Variants in FASN observed in about 807,000 individuals in gnomAD.
FASN encodes fatty acid synthase.
Under a neutral mutation model 250.0 loss-of-function variants are expected in FASN, and 50 were observed. The observed-to-expected ratio is 0.20, with a 90% confidence interval of 0.16 to 0.25. The LOEUF (loss-of-function observed/expected upper bound fraction) is 0.25, where lower values mean the gene tolerates loss of function less well. Ranked by LOEUF, FASN falls within the 10% of genes least tolerant of loss-of-function variation. The probability of loss-of-function intolerance (pLI) is 1.00; values close to 1 mark genes in which losing one functional copy is unlikely to be tolerated. For missense variants in FASN, 3,031 were observed against 3,498.5 expected, an observed-to-expected ratio of 0.87 and a Z score of 3.37; for synonymous variants, 1,909 against 1,584.0, an observed-to-expected ratio of 1.21 and a Z score of -4.87.
At position 82,091,331 on chromosome 17, in the gene FASN, G is replaced by A. The variant is rs565811170; in HGVS notation, c.1383C>T (p.Pro461=). 111 of 1,609,912 alleles carry A rather than the reference G, an allele frequency of 6.9e-5. No individual in the cohort carries two copies. The highest frequency in any genetic ancestry group is 2.5e-4 in the East Asian group (11 of 44,764). ...LSMLNDIAAV[P]ATAMPFRGYA... The stretch of plus-strand genomic sequence containing the variant: ...AGCCACGGAAGGGCATGGCGGTGGC[G>A]GGGACAGCCGCGATGTCGTTCAGCA... Residue 461 remains proline, a synonymous_variant, in exon 9 of 43, where the codon CCC becomes CCT. Transcript: ENST00000306749.
At chr17:82,091,153 A>G in intron 9 of FASN, 69 bp downstream of exon 9, 2 of 1,601,576 alleles carry the variant, frequency 1.2e-6, no homozygotes, top group Non-Finnish European at 1.7e-6. Context: ...ACCTCAGGGG[A>G]CCACCAGCTC....
At position 82,085,952 on chromosome 17, in the gene FASN, C is replaced by T. The variant is rs45520131; in HGVS notation, c.3733-81G>A. On this transcript the variant is annotated intron_variant, in intron 22 of 42. Transcript: ENST00000306749. ...GGGCTGGGCAAAATGTCCATGAGGC[C>T]TCAGTCTGGCAGAAAGGCTTCCCCG... 4,396 of 1,424,982 alleles carry T rather than the reference C, an allele frequency of 3.1e-3. 127 individuals carry two copies. In the African/African-American group the frequency reaches 0.057, roughly 18 times the overall value. 88.3% of individuals were successfully genotyped at this position (1,424,982 alleles called of 1,614,324 possible). A position where few individuals can be genotyped will look rare whatever the true frequency, so the allele number is the denominator to read the frequency against.
chr17:82,086,229 G>A (rs745594804), intron 22 of FASN, 25 bp downstream of exon 22: 3 of 1,543,770 alleles, frequency 1.9e-6, no homozygotes, highest in Non-Finnish European at 2.6e-6. Context: ...CGGGGCAGAG[G>A]CCTGGCTGCC....
At position 82,083,569 on chromosome 17, in the gene FASN, G is replaced by T. The variant is rs778156553; in HGVS notation, c.5289C>A (p.His1763Gln). Residue 1763 changes from histidine to glutamine, a missense_variant, in exon 31 of 43, where the codon CAC becomes CAA. Physicochemically the swap from His to Gln is conservative, Grantham distance 24. Coordinates refer to ENST00000306749, the MANE Select transcript of FASN (RefSeq NM_004104.5). The stretch of plus-strand genomic sequence containing the variant: ...ATTTGCCAATTTCCAGGAAGCGACC[G>T]TGCGTAGCCAAGCACCTCACGCTGG... ...LQASVRCLAT[H>Q]GRFLEIGKFD... is the part of the protein sequence containing the mutation. 2.7e-5 allele frequency: 43 copies of T among 1,612,776 alleles called. No homozygotes were observed. Among genetic ancestry groups the T allele is most frequent in the Middle Eastern group, 3.3e-4 (2 of 6,062 alleles).
Position 82,083,538 on chromosome 17 carries a change from G to A in FASN, c.5320C>T (p.Leu1774Phe). ...GRFLEIGKFD[L>F]SQNHPLGMAI... is the part of the protein sequence containing the mutation. ...TCACCGAGCGGGTGGTTCTGAGAAA[G>A]GTCGAATTTGCCAATTTCCAGGAAG... Residue 1774 changes from leucine (L) to phenylalanine (F), a missense_variant, in exon 31 of 43, where the codon CTT (leucine) becomes TTT (phenylalanine). Physicochemically the swap from Leu to Phe is conservative, Grantham distance 22. Coordinates refer to ENST00000306749, the MANE Select transcript of FASN (RefSeq NM_004104.5). 2 of 1,612,862 alleles carry A rather than the reference G, an allele frequency of 1.2e-6. No individual in the cohort carries two copies. The highest frequency in any genetic ancestry group is 1.7e-6 in the Non-Finnish European group (2 of 1,180,008).
At chr17:82,087,554 C>T in intron 19 of FASN, 50 bp from the exon 20 acceptor site, 6 of 1,607,064 alleles carry the variant, frequency 3.7e-6, no homozygotes, top group Non-Finnish European at 5.1e-6. Flanking sequence ...TCCCTGGGGC[C>T]ACCTCCCAGA....
chr17:82,092,817 G>T lies in FASN; in HGVS notation c.779-5C>A. ...CCCCTGAGGGGAAGGTCACGCCTGC[G>T]GAGGGCTCGGCTCAGTGCTGCAGCC... On this transcript the variant is annotated splice_region_variant and splice_polypyrimidine_tract_variant and intron_variant, in intron 6 of 42. Transcript: ENST00000306749. 1.3e-6 allele frequency: 2 copies of T among 1,591,120 alleles called. No homozygotes were observed. The highest frequency in any genetic ancestry group is 1.7e-6 in the Non-Finnish European group (2 of 1,169,874).
rs373141943 is a variant in FASN at position 82,091,610 on chromosome 17, C to T, written c.1104G>A (p.Ala368=). 104 of 1,593,662 alleles carry T rather than the reference C, an allele frequency of 6.5e-5. 1 individual carries two copies. In the South Asian group the frequency reaches 6.7e-4, roughly 10 times the overall value. Residue 368 remains alanine (A), a synonymous_variant, in exon 9 of 43, where the codon GCG becomes GCA. Coordinates refer to ENST00000306749, the MANE Select transcript of FASN (RefSeq NM_004104.5). ...CCACCTGCAGCCGCCCATCCAACAGCGCTGGGATCTCAGGGTTGGGGCTAT... is the reference window on the plus strand; with the variant it reads ...CCACCTGCAGCCGCCCATCCAACAGTGCTGGGATCTCAGGGTTGGGGCTAT... ...HFHSPNPEIP[A]LLDGRLQVVD... is the part of the protein sequence containing the mutation.
At position 82,088,027 on chromosome 17, in the gene FASN, C is replaced by T; in HGVS notation, c.2793G>A (p.Val931=). 1.9e-6 allele frequency: 3 copies of T among 1,612,766 alleles called. No individual in the cohort carries two copies. Among genetic ancestry groups the T allele is most frequent in the Middle Eastern group, 1.6e-4 (1 of 6,062 alleles). ...CCTCCAGGAGCCGTACCTCCAGGGACACTGTCCCTGCAGAGCGGGAGAGTT... is the reference window on the plus strand; with the variant it reads ...CCTCCAGGAGCCGTACCTCCAGGGATACTGTCCCTGCAGAGCGGGAGAGTT... The part of the protein sequence containing the change: ...QATILPKTGT[V]SLEVRLLEAS... Residue 931 remains valine, a synonymous_variant, in exon 18 of 43, where the codon GTG becomes GTA. Transcript: ENST00000306749.
In FASN at chr17:82,093,789, C is replaced by G. The variant is rs1598584190; in HGVS notation, c.281-18G>C. The G allele has an allele frequency of 6.2e-7, 1 of 1,611,724 alleles. No individual in the cohort carries two copies. The highest frequency in any genetic ancestry group is 8.5e-7 in the Non-Finnish European group (1 of 1,179,754). Reference sequence around the variant, plus strand: ...GTTGATGCCTGCCACAAACAGTGGTCAAGGTGCCACGGCCGGGCCCCACAG... The same window carrying G: ...GTTGATGCCTGCCACAAACAGTGGTGAAGGTGCCACGGCCGGGCCCCACAG... On this transcript the variant is annotated intron_variant, in intron 3 of 42. Transcript: ENST00000306749.
chr17:82,089,857 G>A, intron 11 of FASN, 131 bp from the exon 12 acceptor site: 1 of 832,232 alleles, frequency 1.2e-6, no homozygotes, highest in South Asian at 1.5e-5. Flanking sequence ...GAGCCTTCAT[G>A]AGAAAGGTTC....
At position 82,087,086 on chromosome 17, in the gene FASN, G is replaced by A. The variant is rs769282070; in HGVS notation, c.3391C>T (p.Arg1131Cys). 12 of 1,611,634 alleles carry A rather than the reference G, an allele frequency of 7.4e-6. No homozygotes were observed. The highest frequency in any genetic ancestry group is 8.5e-6 in the Non-Finnish European group (10 of 1,179,918). Residue 1131 changes from arginine to cysteine, a missense_variant, in exon 21 of 43, where the codon CGC becomes TGC. Transcript: ENST00000306749. ...PHTEEGCLSE[R>C]AALQEELQLC... Reference sequence around the variant, plus strand: ...TGCAGCTCCTCCTGCAGGGCAGCGCGCTCAGACAGGCACCCCTCCTCCGTG... The same window carrying A: ...TGCAGCTCCTCCTGCAGGGCAGCGCACTCAGACAGGCACCCCTCCTCCGTG...
chr17:82,085,112 C>T lies in FASN; in HGVS notation c.4332G>A (p.Lys1444=). 1 of 1,612,654 alleles carries T rather than the reference C, an allele frequency of 6.2e-7. No homozygotes were observed. The highest frequency in any genetic ancestry group is 1.1e-5 in the South Asian group (1 of 91,090). ...DEDSSRPVWL[K]AINCATSGVV... ...CGCCCGAGGTGGCACAGTTGATGGC[C>T]TTCAGCCACACAGGCCGGGAAGAGT... The change falls in exon 25 of 43, where the codon AAG becomes AAA. Residue 1444 remains lysine (K), a synonymous_variant. Coordinates refer to ENST00000306749, the MANE Select transcript of FASN (RefSeq NM_004104.5).
In FASN at chr17:82,084,269, C is replaced by T. The variant is rs770536374; in HGVS notation, c.4884G>A (p.Leu1628=). 1 of 1,612,090 alleles carries T rather than the reference C, an allele frequency of 6.2e-7. No homozygotes were observed. The highest frequency in any genetic ancestry group is 8.5e-7 in the Non-Finnish European group (1 of 1,179,644). ...GCACATCCCAGAGGAAGTCCGGTGA[C>T]AGCAGGACAGAGGTGGCCAGGCCCT... ...PAKGLATSVL[L]SPDFLWDVPS... Residue 1628 remains leucine (L), a synonymous_variant, in exon 28 of 43, where the codon CTG becomes CTA. Transcript: ENST00000306749.
chr17:82,088,401 A>G lies in FASN; in HGVS notation c.2582T>C (p.Ile861Thr). Residue 861 changes from isoleucine (I) to threonine (T), a missense_variant, in exon 16 of 43, where the codon ATC (isoleucine) becomes ACC (threonine). Ile to Thr is a moderately conservative substitution (Grantham distance 89). Coordinates refer to ENST00000306749, the MANE Select transcript of FASN (RefSeq NM_004104.5). ...PNGSGSPSAA[I>T]YNIDTSSESP... ...GGGCCCCTGCTCACCGATGTTGTAG[A>G]TGGCGGCTGAGGGGGAACCTGAACC... The G allele has an allele frequency of 6.2e-7, 1 of 1,612,192 alleles. No individual in the cohort carries two copies. Among genetic ancestry groups the G allele is most frequent in the Non-Finnish European group, 8.5e-7 (1 of 1,179,656 alleles).
At position 82,088,805 on chromosome 17, in the gene FASN, G is replaced by A. The variant is rs1274995244; in HGVS notation, c.2376C>T (p.Asn792=). The A allele has an allele frequency of 1.9e-6, 3 of 1,612,454 alleles. No individual in the cohort carries two copies. The highest frequency in any genetic ancestry group is 2.2e-5 in the East Asian group (1 of 44,890). The change falls in exon 15 of 43, where the codon AAC becomes AAT. Residue 792 remains asparagine, a synonymous_variant. Coordinates refer to ENST00000306749, the MANE Select transcript of FASN (RefSeq NM_004104.5). ...CGATGCCGGCCAGGAAGAACTCCAG[G>A]TTGTCCCTGTGATCCTTCTTCATCA... ...IPLMKKDHRD[N]LEFFLAGIGR...
intron 12 of FASN, 52 bp from the exon 13 acceptor site, chr17:82,089,436 G>A: frequency 6.2e-7 from 1 of 1,612,366 alleles, no homozygotes; most frequent in Non-Finnish European, 8.5e-7. Flanking sequence ...CCCACCTCAG[G>A]CTCGGAGAGG....
rs2034335379 is a variant in FASN at position 82,098,150 on chromosome 17, G to C, written c.-37C>G. ...TGAGGGCGCGGGCGGCGGTGCGGGC[G>C]GCGGAGAGCGAGGCTGGAGCGCGGC... On this transcript the variant is annotated 5_prime_UTR_variant, in exon 1 of 43. Coordinates refer to ENST00000306749, the MANE Select transcript of FASN (RefSeq NM_004104.5). 2.8e-6 allele frequency: 1 copy of C among 354,862 alleles called. No homozygotes were observed. Among genetic ancestry groups the C allele is most frequent in the African/African-American group, 2.1e-5 (1 of 46,724 alleles). The allele number at this position is 354,862 out of a possible 1,614,324, so 22.0% of individuals were successfully genotyped here.
At position 82,085,112 on chromosome 17, in the gene FASN, C is replaced by A; in HGVS notation, c.4332G>T (p.Lys1444Asn). The A allele has an allele frequency of 6.2e-7, 1 of 1,612,654 alleles. No homozygotes were observed. Among genetic ancestry groups the A allele is most frequent in the Non-Finnish European group, 8.5e-7 (1 of 1,179,938 alleles). ...DEDSSRPVWL[K>N]AINCATSGVV... ...CGCCCGAGGTGGCACAGTTGATGGC[C>A]TTCAGCCACACAGGCCGGGAAGAGT... The change falls in exon 25 of 43, where the codon AAG becomes AAT. Residue 1444 changes from lysine (K) to asparagine (N), a missense_variant. Transcript: ENST00000306749.
Sources: gnomAD v4.1 joint callset for allele counts on GRCh38, gnomAD v4.1.1 for gene constraint, MANE v1.5 for transcripts, NCBI Gene and HGNC (gene_info 2026-07-23, HGNC 2026-07-21) for gene names.